The following C12orf75 variants were observed in gnomAD, a reference collection of about 807,000 sequenced individuals.
C12orf75 encodes chromosome 12 open reading frame 75.
A neutral mutation model predicts 11.4 loss-of-function variants in C12orf75; 4 were observed. The ratio of observed to expected loss-of-function variants is 0.35; its 90% CI spans 0.17 to 0.80. The LOEUF is 0.80. Ranked by LOEUF, C12orf75 falls within the 30% of genes least tolerant of loss-of-function variation. The pLI is 0.52. For missense variants in C12orf75, 89 were observed against 80.4 expected (o/e 1.11, Z -0.41); for synonymous variants, 30 against 30.0 (o/e 1.00, Z 0.00).
In C12orf75 at chr12:105,332,839, AT is replaced by A. The variant is rs1377993699; in HGVS notation, c.46+1905del. The stretch of plus-strand genomic sequence containing the variant: ...AAATCAAATTTGGGGGGAAAATATG[AT>A]TTCTTGGGGAAATATGATTATCTTT... On this transcript the variant is annotated intron_variant, in intron 1 of 5. Transcript: ENST00000443585. 2.0e-5 allele frequency among the ~76,000 whole-genome samples: 3 copies of A among 150,188 alleles called. No individual in the cohort carries two copies. The East Asian group carries it at 5.9e-4, about 29-fold the overall frequency.
chr12:105,364,664 C>T (rs955073016), intron 2 of C12orf75, among the ~76,000 whole-genome samples: 1 of 152,192 alleles, frequency 6.6e-6, no homozygotes, highest in African/African-American at 2.4e-5. Flanking sequence ...GCTTTTTGCT[C>T]AACTGAAGCC....
intron 5 of C12orf75, 119 bp from the exon 6 acceptor site, chr12:105,370,515 T>C: frequency 2.2e-6 from 1 of 445,580 alleles, no homozygotes; most frequent in South Asian, 1.6e-5. Context: ...TGGGTGAATA[T>C]TAAATAGGTG....
At chr12:105,358,092 T>C (rs940631451) in intron 2 of C12orf75, among the ~76,000 whole-genome samples, 2 of 152,160 alleles carry the variant, frequency 1.3e-5, no homozygotes, top group African/African-American at 4.8e-5. Context: ...AAGATATCTG[T>C]CTGCCTTGGC....
chr12:105,354,965 A>G (rs762548677), intron 2 of C12orf75, among the ~76,000 whole-genome samples: 2 of 152,028 alleles, frequency 1.3e-5, no homozygotes, highest in Non-Finnish European at 2.9e-5. Flanking sequence ...GAATGATGGG[A>G]CTATCGAAAG....
intron 1 of C12orf75, among the ~76,000 whole-genome samples, chr12:105,339,687 G>A (rs984070323): frequency 2.0e-5 from 3 of 151,630 alleles, no homozygotes; most frequent in African/African-American, 4.8e-5. Flanking sequence ...CGTGATCTCC[G>A]CTCACTGCAA....
chr12:105,345,870 G>T (rs1029394057), intron 1 of C12orf75, among the ~76,000 whole-genome samples: 2 of 151,518 alleles, frequency 1.3e-5, no homozygotes, highest in Non-Finnish European at 2.9e-5. Context: ...CACCATGTTG[G>T]CCAGGCTGGT....
chr12:105,360,483 C>T (rs144820647), intron 2 of C12orf75, among the ~76,000 whole-genome samples: 119 of 152,240 alleles, frequency 7.8e-4, no homozygotes, highest in African/African-American at 2.7e-3. Flanking sequence ...ACTTCTGAAA[C>T]CTAATAGAAA....
chr12:105,352,566 T>C (rs540413306), intron 2 of C12orf75, among the ~76,000 whole-genome samples: 1 of 152,290 alleles, frequency 6.6e-6, no homozygotes, highest in Admixed American at 6.5e-5. Flanking sequence ...TTCTGCCCAG[T>C]TGTGAGTATG....
chr12:105,367,624 G>A (rs1422989270), intron 5 of C12orf75, 115 bp downstream of exon 5: 2 of 327,994 alleles, frequency 6.1e-6, no homozygotes, highest in African/African-American at 2.1e-5. Context: ...ACAATTTAAA[G>A]GAGGGGTTTC....
intron 2 of C12orf75, among the ~76,000 whole-genome samples, chr12:105,355,024 G>A (rs1243276925): frequency 1.3e-5 from 2 of 152,060 alleles, no homozygotes; most frequent in African/African-American, 2.4e-5. Context: ...ACTCTAAAAT[G>A]TGGTAAAATA....
intron 2 of C12orf75, among the ~76,000 whole-genome samples, chr12:105,357,177 T>A (rs1181778243): frequency 6.6e-6 from 1 of 152,186 alleles, no homozygotes; most frequent in Non-Finnish European, 1.5e-5. Flanking sequence ...GATGCATAAC[T>A]ACCTAGAGAA....
intron 1 of C12orf75, among the ~76,000 whole-genome samples, chr12:105,346,105 A>T (rs1307119054): frequency 6.6e-6 from 1 of 152,146 alleles, no homozygotes; most frequent in Non-Finnish European, 1.5e-5. Context: ...AACTCTTTCA[A>T]CCAATTGCCA....
chr12:105,360,158 A>G (rs1892841448), intron 2 of C12orf75, among the ~76,000 whole-genome samples: 2 of 152,188 alleles, frequency 1.3e-5, no homozygotes, highest in African/African-American at 2.4e-5. Context: ...TCTGGGCCCT[A>G]TCACTGGCTG....
At chr12:105,359,018 C>A (rs1442411458) in intron 2 of C12orf75, among the ~76,000 whole-genome samples, 1 of 152,168 alleles carries the variant, frequency 6.6e-6, no homozygotes, top group Non-Finnish European at 1.5e-5. Flanking sequence ...TAGCATAGCT[C>A]CCCTAGCAAG....
At chr12:105,361,182 CCA>C (rs1180884415) in intron 2 of C12orf75, among the ~76,000 whole-genome samples, 1 of 152,148 alleles carries the variant, frequency 6.6e-6, no homozygotes, top group Non-Finnish European at 1.5e-5. Flanking sequence ...GTGCACACCA[CCA>C]CACCTGGCTA....
At chr12:105,358,576 G>T (rs1336940306) in intron 2 of C12orf75, among the ~76,000 whole-genome samples, 1 of 152,132 alleles carries the variant, frequency 6.6e-6, no homozygotes, top group Non-Finnish European at 1.5e-5. Flanking sequence ...TGATAAGATG[G>T]TATTTGAGGT....
At chr12:105,333,019 C>G (rs966637049) in intron 1 of C12orf75, among the ~76,000 whole-genome samples, 2 of 151,546 alleles carry the variant, frequency 1.3e-5, no homozygotes, top group African/African-American at 4.8e-5. Flanking sequence ...ATGCTATTCT[C>G]TCCTCCAGCT....
intron 2 of C12orf75, among the ~76,000 whole-genome samples, chr12:105,357,359 C>CT (rs1259784244): frequency 1.3e-5 from 2 of 152,144 alleles, no homozygotes; most frequent in African/African-American, 2.4e-5. Flanking sequence ...TGGTCAGTTG[C>CT]TTTTTTTTCT....
At position 105,330,749 on chromosome 12, in the gene C12orf75, G is replaced by A; in HGVS notation, c.-143G>A. ...CCCGGGCCGCGTCTCCCGGCGGTGG[G>A]AGGGGGCGGCCCCCACTCGGTTCCT... On this transcript the variant is annotated 5_prime_UTR_variant, in exon 1 of 6. Transcript: ENST00000443585. The A allele has an allele frequency of 1.2e-6, 1 of 815,570 alleles. No homozygotes were observed. Among genetic ancestry groups the A allele is most frequent in the African/African-American group, 1.8e-5 (1 of 55,188 alleles). 50.5% of individuals were successfully genotyped at this position (815,570 alleles called of 1,614,324 possible).
Sources: allele counts gnomAD v4.1 joint callset (sites outside exome capture counted in the v4.1 genomes callset), GRCh38; gene constraint gnomAD v4.1.1; transcripts MANE v1.5; gene names NCBI Gene and HGNC (gene_info 2026-07-23, HGNC 2026-07-21).